Variants in CTBP1 observed in about 807,000 individuals in gnomAD.
CTBP1 encodes the protein C-terminal binding protein 1, also known as C-terminal-binding protein 1.
Under a neutral mutation model 42.1 loss-of-function variants are expected in CTBP1, and 11 were observed. The ratio of observed to expected loss-of-function variants is 0.26; its 90% CI spans 0.16 to 0.43. The LOEUF (loss-of-function observed/expected upper bound fraction) is 0.43. Ranked by LOEUF, CTBP1 falls within the 20% of genes least tolerant of loss-of-function variation. The probability of loss-of-function intolerance (pLI) is 1.00; values close to 1 mark genes in which losing one functional copy is unlikely to be tolerated. For missense variants in CTBP1, 399 were observed against 624.3 expected (o/e 0.64, Z 3.85); for synonymous variants, 324 against 277.1 (o/e 1.17, Z -1.68).
intron 1 of CTBP1, among the ~76,000 whole-genome samples, chr4:1,246,388 G>A (rs1217975369): frequency 3.9e-5 from 6 of 152,186 alleles, no homozygotes; most frequent in Admixed American, 1.3e-4. Flanking sequence ...CCTGGGCCAG[G>A]CCTGCACCGT....
At position 1,214,485 on chromosome 4, in the gene CTBP1, A is replaced by G; in HGVS notation, c.730-12T>C. 4.4e-6 allele frequency: 7 copies of G among 1,574,862 alleles called. No individual in the cohort carries two copies. The highest frequency in any genetic ancestry group is 5.1e-6 in the Non-Finnish European group (6 of 1,165,142). On this transcript the variant is annotated splice_polypyrimidine_tract_variant and intron_variant, in intron 6 of 9. Transcript: ENST00000382952. The stretch of plus-strand genomic sequence containing the variant: ...GCCCCTTGTCTCATCTAGAAGACAT[A>G]AGGACAGGCCAGGCCCAGTCAGGGA...
intron 3 of CTBP1, chr4:1,236,297 C>T (rs927240666): frequency 3.3e-5 from 11 of 336,378 alleles, no homozygotes; most frequent in African/African-American, 2.3e-4. Context: ...GTTCTCATCA[C>T]GGAGGAGCCT....
chr4:1,230,315 C>A (rs1730832362), intron 3 of CTBP1, among the ~76,000 whole-genome samples: 1 of 152,170 alleles, frequency 6.6e-6, no homozygotes, highest in African/African-American at 2.4e-5. Flanking sequence ...CAGGAAGACC[C>A]CTGCGCTGCG....
rs1238963478 is a variant in CTBP1, at chr4:1,233,635, G to A, written c.162+4548C>T. Among the ~76,000 whole-genome samples, 1 of 152,170 alleles carries A rather than the reference G, an allele frequency of 6.6e-6. No individual in the cohort carries two copies. The highest frequency in any genetic ancestry group is 1.5e-5 in the Non-Finnish European group (1 of 68,028). ...GGCGAGTGGGGCTGGGCTGAGTCTTGTGTCCCGGTGGGTGACATCCCCCAC... is the reference window on the plus strand; with the variant it reads ...GGCGAGTGGGGCTGGGCTGAGTCTTATGTCCCGGTGGGTGACATCCCCCAC... On this transcript the variant is annotated intron_variant, in intron 3 of 9. Coordinates refer to ENST00000382952, the MANE Select transcript of CTBP1 (RefSeq NM_001012614.2). The surrounding 1 kb of genome is among the most constrained non-coding windows in gnomAD (Gnocchi z 4.6).
At chr4:1,250,318 C>T, upstream of CTBP1, 2 of 271,744 alleles carry the variant, frequency 7.4e-6, no homozygotes, top group South Asian at 7.6e-5. Context: ...TAAGATCGGG[C>T]TGCCGAGCTG....
In CTBP1 at chr4:1,238,048, G is replaced by A. The variant is rs113066235; in HGVS notation, c.162+135C>T. ...CCCCGTGTCCACCTCCTGACGGCGC[G>A]GGACGACTGGGACAGAGGCTGCTCC... On this transcript the variant is annotated intron_variant, in intron 3 of 9. Transcript: ENST00000382952. The surrounding 1 kb of genome is among the most constrained non-coding windows in gnomAD (Gnocchi z 5.9). 2.0e-4 allele frequency: 240 copies of A among 1,190,240 alleles called. 2 individuals are homozygous for A. The African/African-American group carries it at 2.6e-3, about 13-fold the overall frequency. The allele number at this position is 1,190,240 out of a possible 1,614,324, so 73.7% of individuals were successfully genotyped here.
intron 1 of CTBP1, chr4:1,245,655 AC>A (rs1732641931): frequency 1.0e-6 from 1 of 982,740 alleles, no homozygotes; most frequent in Admixed American, 6.2e-5. Context: ...GGGCAGGGTG[AC>A]ACGGGCGGCA....
chr4:1,249,929 T>G, upstream of CTBP1: 1 of 188,436 alleles, frequency 5.3e-6, no homozygotes, highest in Non-Finnish European at 1.1e-5. Flanking sequence ...GGCCCGAAAG[T>G]CCCTTCAGGG....
At position 1,214,466 on chromosome 4, in the gene CTBP1, T is replaced by C; in HGVS notation, c.737A>G (p.Gln246Arg). 6.3e-7 allele frequency: 1 copy of C among 1,588,052 alleles called. No homozygotes were observed. The highest frequency in any genetic ancestry group is 8.6e-7 in the Non-Finnish European group (1 of 1,169,516). ...INDFTVKQMR[Q>R]GAFLVNTARG... ...GGCTGTGTTCACCAGGAAGGCCCCT[T>C]GTCTCATCTAGAAGACATAAGGACA... is the stretch of plus-strand genomic sequence containing the variant. The change falls in exon 7 of 10, where the codon CAA becomes CGA. Residue 246 changes from glutamine to arginine, a missense_variant. Gln to Arg is a conservative substitution (Grantham distance 43). This residue lies in a region of CTBP1 where 309 missense variants were observed against 497.5 expected (regional missense o/e 0.62). Coordinates refer to ENST00000382952, the MANE Select transcript of CTBP1 (RefSeq NM_001012614.2).
intron 1 of CTBP1, among the ~76,000 whole-genome samples, chr4:1,248,041 G>T (rs1022032569): frequency 2.0e-5 from 3 of 152,234 alleles, no homozygotes; most frequent in Admixed American, 6.5e-5. Context: ...GGGCTCAGGC[G>T]CACGGACTCT....
upstream of CTBP1, chr4:1,249,486 C>T (rs1342872483): frequency 3.2e-5 from 2 of 61,820 alleles, no homozygotes; most frequent in African/African-American, 7.7e-5. Context: ...AATGGCGCTC[C>T]TCCGCGCCGC....
At chr4:1,214,319 G>C in intron 7 of CTBP1, 24 bp downstream of exon 7, 1 of 1,532,644 alleles carries the variant, frequency 6.5e-7, no homozygotes, top group Non-Finnish European at 8.7e-7. Context: ...AAGAGCAGGG[G>C]GGCGGCACTG....
Position 1,212,923 on chromosome 4 carries a change from C to A in CTBP1, c.1096G>T (p.Ala366Ser). The A allele has an allele frequency of 6.2e-7, 1 of 1,613,270 alleles. No individual in the cohort carries two copies. The highest frequency in any genetic ancestry group is 8.5e-7 in the Non-Finnish European group (1 of 1,179,726). ...AGCGGGCCTGCTCACCTATAGGCAG[C>A]CCCATTGAGCTCAGGGTGCACGACG... Reference protein sequence around the residue: ...PAVVHPELNGAAYRYPPGVVG... With the variant: ...PAVVHPELNGSAYRYPPGVVG... Residue 366 changes from alanine to serine, a missense_variant, in exon 9 of 10, where the codon GCT becomes TCT. Physicochemically the swap from Ala to Ser is moderately conservative, Grantham distance 99. Transcript: ENST00000382952.
chr4:1,236,311 G>C (rs1731488234), intron 3 of CTBP1: 1 of 368,636 alleles, frequency 2.7e-6, no homozygotes, highest in Admixed American at 4.1e-5. Context: ...GGAGCCTGTG[G>C]GTCTCCTGAG....
chr4:1,245,196 G>GCACTC, intron 1 of CTBP1: 1 of 985,412 alleles, frequency 1.0e-6, no homozygotes, highest in South Asian at 4.7e-5. Flanking sequence ...GGGAGCCACC[G>GCACTC]CACTCCACGG....
At chr4:1,245,556 G>T in intron 1 of CTBP1, 1 of 981,592 alleles carries the variant, frequency 1.0e-6, no homozygotes, top group Non-Finnish European at 1.2e-6. Flanking sequence ...AGGTCAGGGT[G>T]GCACAGGAGG....
intron 1 of CTBP1, 42 bp downstream of exon 1, chr4:1,248,874 G>A (rs1733062273): frequency 5.4e-5 from 18 of 333,272 alleles, no homozygotes; most frequent in Non-Finnish European, 6.9e-5. Context: ...GCCCCGCCCC[G>A]CCCCCGCCCG....
chr4:1,248,724 T>C lies in CTBP1; in HGVS notation c.-189+192A>G, dbSNP rs555539890. ...TCGCGCACACGCAGCGGCCCGCGCA[T>C]GCGCAAGACCCTTCCCGCGGTCCCG... On this transcript the variant is annotated intron_variant, in intron 1 of 9. Coordinates refer to ENST00000382952, the MANE Select transcript of CTBP1 (RefSeq NM_001012614.2). The C allele has an allele frequency of 8.2e-6, 8 of 979,584 alleles. No individual in the cohort carries two copies. In the African/African-American group the frequency reaches 1.3e-4, roughly 15 times the overall value. 60.7% of individuals were successfully genotyped at this position (979,584 alleles called of 1,614,324 possible). A position where few individuals can be genotyped will look rare whatever the true frequency, so the allele number is the denominator to read the frequency against.
chr4:1,243,936 G>A (rs1732447146), intron 1 of CTBP1: 1 of 985,488 alleles, frequency 1.0e-6, no homozygotes, highest in Non-Finnish European at 1.2e-6. Flanking sequence ...AAGCACTCAA[G>A]GGACCCACGA....
Sources: allele counts gnomAD v4.1 joint callset (sites outside exome capture counted in the v4.1 genomes callset), GRCh38; gene constraint gnomAD v4.1.1; regional missense constraint gnomAD v4.1.1; non-coding constraint Gnocchi (gnomAD v3.1); transcripts MANE v1.5; gene names NCBI Gene and HGNC (gene_info 2026-07-23, HGNC 2026-07-21).